LARGE1: variants seen among roughly 807,000 people sequenced by gnomAD.
The protein encoded by LARGE1 is xylosyl- and glucuronyltransferase LARGE1.
In LARGE1, 43 loss-of-function variants were observed where a neutral mutation model predicts 87.6. The ratio of observed to expected loss-of-function variants is 0.49; its 90% confidence interval spans 0.38 to 0.63. The LOEUF (loss-of-function observed/expected upper bound fraction) is 0.63. Among genes scored for constraint, LARGE1 ranks in the 30% least tolerant of loss-of-function variants. The pLI, the probability that LARGE1 is intolerant of heterozygous loss-of-function variation, is 0.00. For missense variants in LARGE1, 802 were observed against 1,000.2 expected (o/e 0.80, Z 2.67); for synonymous variants, 434 against 394.6 (o/e 1.10, Z -1.18).
chr22:33,522,369 G>A (rs1019150750), intron 6 of LARGE1, among the ~76,000 whole-genome samples: 1 of 152,160 alleles, frequency 6.6e-6, no homozygotes, highest in Non-Finnish European at 1.5e-5. Context: ...CCAACAGAAT[G>A]TGTTACCAAA....
At chr22:33,519,765 C>A (rs2071482015) in intron 6 of LARGE1, among the ~76,000 whole-genome samples, 1 of 152,118 alleles carries the variant, frequency 6.6e-6, no homozygotes, top group African/African-American at 2.4e-5. Context: ...ACAATTCATT[C>A]TTTGAGAGGC....
the LARGE1 span, among the ~76,000 whole-genome samples, chr22:33,073,919 C>T: frequency 2.0e-5 from 3 of 152,134 alleles, no homozygotes; most frequent in Non-Finnish European, 4.4e-5. Flanking sequence ...TTCCTATAAT[C>T]CTCCCATGGC....
intron 1 of LARGE1, among the ~76,000 whole-genome samples, chr22:33,813,123 A>T (rs2086548401): frequency 6.6e-6 from 1 of 152,108 alleles, no homozygotes; most frequent in African/African-American, 2.4e-5. Context: ...TGGGAGGTCA[A>T]GGCAGGTGGA....
At chr22:33,264,927 G>T (rs1014542798) in intron 11 of LARGE1, among the ~76,000 whole-genome samples, 14 of 113,436 alleles carry the variant, frequency 1.2e-4, no homozygotes, top group Middle Eastern at 8.3e-3. Flanking sequence ...ATGGAGTCTC[G>T]CTCTACTGCC....
intron 13 of LARGE1, among the ~76,000 whole-genome samples, chr22:33,280,617 G>C (rs2145866288): frequency 6.6e-6 from 1 of 152,302 alleles, no homozygotes; most frequent in South Asian, 2.1e-4. Flanking sequence ...CTTGCAGAAA[G>C]GCTGGGCAGC....
chr22:33,172,082 T>C (rs1242697969), intron 11 of LARGE1, among the ~76,000 whole-genome samples: 1 of 152,222 alleles, frequency 6.6e-6, no homozygotes, highest in African/African-American at 2.4e-5. Flanking sequence ...TCAAAGGAGA[T>C]TGTATTGAAG....
chr22:33,888,637 C>A (rs1297779006), intron 1 of LARGE1, among the ~76,000 whole-genome samples: 1 of 152,174 alleles, frequency 6.6e-6, no homozygotes. Context: ...GGGAGGATCA[C>A]CTGAGATCAG....
chr22:33,726,039 T>A (rs2083262281), intron 2 of LARGE1: 1 of 151,162 alleles, frequency 6.6e-6, no homozygotes, highest in Non-Finnish European at 1.5e-5. Flanking sequence ...TAAGGAAGGA[T>A]TCTCCAGCCC....
At chr22:33,352,201 C>T (rs144563857) in intron 9 of LARGE1, among the ~76,000 whole-genome samples, 1,578 of 152,200 alleles carry the variant, frequency 0.01, 10 homozygotes, top group South Asian at 0.017. Context: ...AAAATCTATC[C>T]CCTCAGTCTA....
intron 6 of LARGE1, among the ~76,000 whole-genome samples, chr22:33,464,363 T>TA (rs1454071313): frequency 6.6e-6 from 1 of 151,674 alleles, no homozygotes; most frequent in African/African-American, 2.4e-5. Flanking sequence ...TGTAAGACCG[T>TA]AAAAAAAATG....
intron 1 of LARGE1, among the ~76,000 whole-genome samples, chr22:33,915,189 G>A (rs568493829): frequency 6.6e-6 from 1 of 152,170 alleles, no homozygotes; most frequent in South Asian, 2.1e-4. Context: ...ATATCCTTCA[G>A]GCAGTTACAC....
rs550813695 is a variant in LARGE1, at chr22:33,644,713, T to C, written c.408+5654A>G. ...AAGCTGATAAGCAACTTCAGCAAAA[T>C]CTCAGGATACAAAACCAAGGTGAAA... On this transcript the variant is annotated intron_variant, in intron 3 of 14. Transcript: ENST00000397394. Among the ~76,000 whole-genome samples the C allele has an allele frequency of 2.0e-4, 31 of 152,228 alleles. No individual in the cohort carries two copies. In the East Asian group the frequency reaches 4.8e-3, roughly 24 times the overall value.
At chr22:33,629,322 C>T (rs147267291) in intron 3 of LARGE1, among the ~76,000 whole-genome samples, 105 of 152,284 alleles carry the variant, frequency 6.9e-4, no homozygotes, top group African/African-American at 2.4e-3. Flanking sequence ...AACATACAGC[C>T]TCAGAGATAT....
chr22:33,731,780 A>C (rs1054511069), intron 2 of LARGE1, among the ~76,000 whole-genome samples: 1 of 152,198 alleles, frequency 6.6e-6, no homozygotes, highest in Non-Finnish European at 1.5e-5. Context: ...GACTGTGGTA[A>C]TGGGTTCACC....
chr22:33,654,055 T>A (rs929583719), intron 2 of LARGE1, among the ~76,000 whole-genome samples: 4 of 152,240 alleles, frequency 2.6e-5, no homozygotes, highest in Non-Finnish European at 4.4e-5. Flanking sequence ...ATCGACATCC[T>A]GTGTCCATTT....
intron 6 of LARGE1, among the ~76,000 whole-genome samples, chr22:33,510,615 G>A (rs1262866423): frequency 6.6e-6 from 1 of 152,198 alleles, no homozygotes; most frequent in East Asian, 1.9e-4. Flanking sequence ...AACTCCAGGA[G>A]GGTAGGCTGG....
intron 4 of LARGE1, among the ~76,000 whole-genome samples, chr22:33,612,964 G>A (rs1360272030): frequency 6.6e-6 from 1 of 152,210 alleles, no homozygotes; most frequent in Admixed American, 6.5e-5. Flanking sequence ...CTTCTGTCCA[G>A]AAGGCAGAGT....
chr22:33,089,338 T>TCTC, the LARGE1 span, among the ~76,000 whole-genome samples: 1 of 80,350 alleles, frequency 1.2e-5, no homozygotes, highest in African/African-American at 6.4e-5. Flanking sequence ...TTCTTCTTCT[T>TCTC]CTTCTTCTTC....
intron 3 of LARGE1, among the ~76,000 whole-genome samples, chr22:33,643,954 T>G (rs1230233416): frequency 2.0e-5 from 3 of 152,148 alleles, no homozygotes; most frequent in Non-Finnish European, 2.9e-5. Context: ...CAGGACCAGA[T>G]GGATTCACAG....
Sources: allele counts gnomAD v4.1 joint callset (sites outside exome capture counted in the v4.1 genomes callset), GRCh38; gene constraint gnomAD v4.1.1; transcripts MANE v1.5; gene names NCBI Gene and HGNC (gene_info 2026-07-23, HGNC 2026-07-21).